RPS6KC1: variants seen among roughly 807,000 people sequenced by gnomAD.
RPS6KC1 encodes inactive ribosomal protein S6 kinase delta-1.
RPS6KC1 carries 54 observed loss-of-function variants against 103.8 expected under a neutral mutation model. That is an observed-to-expected ratio of 0.52 (90% CI 0.42 to 0.65). RPS6KC1 has a LOEUF of 0.65. Among genes scored for constraint, RPS6KC1 ranks in the 30% least tolerant of loss-of-function variants. The probability of loss-of-function intolerance (pLI) is 0.00; values close to 1 mark genes in which losing one functional copy is unlikely to be tolerated. For synonymous variants in RPS6KC1, 439 were observed against 438.7 expected, an observed-to-expected ratio of 1.00 and a Z score of -0.01; for missense variants, 1,151 against 1,253.8, an observed-to-expected ratio of 0.92 and a Z score of 1.24.
chr1:213,737,581 C>A, the RPS6KC1 span, among the ~76,000 whole-genome samples: 2 of 152,144 alleles, frequency 1.3e-5, no homozygotes, highest in Admixed American at 1.3e-4. Flanking sequence ...AGTGTTTAAA[C>A]TACCGTAGAC....
At chr1:213,055,965 C>T (rs573983724) in intron 1 of RPS6KC1, among the ~76,000 whole-genome samples, 45 of 152,150 alleles carry the variant, frequency 3.0e-4, no homozygotes, top group Admixed American at 1.1e-3. Context: ...AGTGCAGTGA[C>T]GCAATCATAG....
the RPS6KC1 span, among the ~76,000 whole-genome samples, chr1:213,612,253 C>T: frequency 6.6e-6 from 1 of 152,264 alleles, no homozygotes. Context: ...TTGAGAACCA[C>T]TTGTGCTACA....
At chr1:213,585,764 C>T in the RPS6KC1 span, among the ~76,000 whole-genome samples, 2 of 152,156 alleles carry the variant, frequency 1.3e-5, no homozygotes, top group East Asian at 1.9e-4. Context: ...GAGATGGCAG[C>T]ACAATCTCCT....
At chr1:213,176,964 A>G (rs940797181) in intron 8 of RPS6KC1, among the ~76,000 whole-genome samples, 1 of 152,198 alleles carries the variant, frequency 6.6e-6, no homozygotes, top group Non-Finnish European at 1.5e-5. Flanking sequence ...CTTGGTGGAA[A>G]AGTGATGTTT....
the RPS6KC1 span, among the ~76,000 whole-genome samples, chr1:213,705,104 G>C: frequency 6.6e-6 from 1 of 152,360 alleles, no homozygotes; most frequent in South Asian, 2.1e-4. Context: ...CCCAAGGCCT[G>C]CTGTAAACAT....
chr1:213,695,639 AG>A, the RPS6KC1 span, among the ~76,000 whole-genome samples: 1 of 152,238 alleles, frequency 6.6e-6, no homozygotes, highest in African/African-American at 2.4e-5. Flanking sequence ...ATTCTATTCC[AG>A]GACTTATAGG....
At chr1:213,847,815 G>A in the RPS6KC1 span, among the ~76,000 whole-genome samples, 4 of 152,066 alleles carry the variant, frequency 2.6e-5, no homozygotes, top group African/African-American at 7.2e-5. Context: ...CATCAAACAC[G>A]GCTACCTCAG....
chr1:213,235,750 G>A (rs905314958), intron 10 of RPS6KC1, among the ~76,000 whole-genome samples: 53 of 152,120 alleles, frequency 3.5e-4, no homozygotes, highest in African/African-American at 1.2e-3. Context: ...TGTAGGCCAC[G>A]TTAAGAACTG....
the RPS6KC1 span, among the ~76,000 whole-genome samples, chr1:213,346,815 C>G: frequency 6.6e-6 from 1 of 152,020 alleles, no homozygotes; most frequent in Non-Finnish European, 1.5e-5. Flanking sequence ...GGCCTTGTCC[C>G]GTAAGTTTAG....
intron 3 of RPS6KC1, among the ~76,000 whole-genome samples, chr1:213,080,073 C>T (rs1020997910): frequency 1.3e-5 from 2 of 151,954 alleles, no homozygotes; most frequent in East Asian, 3.9e-4. Flanking sequence ...CCTGCCACCA[C>T]GCCTAGCTAA....
At chr1:213,676,388 G>A in the RPS6KC1 span, among the ~76,000 whole-genome samples, 1 of 152,176 alleles carries the variant, frequency 6.6e-6, no homozygotes, top group African/African-American at 2.4e-5. Context: ...TATAGGAGAT[G>A]CTCAACAAAT....
At chr1:213,075,773 A>G (rs997903523) in intron 2 of RPS6KC1, among the ~76,000 whole-genome samples, 7 of 152,162 alleles carry the variant, frequency 4.6e-5, no homozygotes, top group African/African-American at 1.7e-4. Flanking sequence ...GCCTAAATTA[A>G]TTGTCTTCAT....
At chr1:213,307,401 A>G in the RPS6KC1 span, among the ~76,000 whole-genome samples, 1 of 152,080 alleles carries the variant, frequency 6.6e-6, no homozygotes, top group African/African-American at 2.4e-5. Context: ...GTCCCATAGA[A>G]CTAACCATAT....
the RPS6KC1 span, among the ~76,000 whole-genome samples, chr1:213,588,196 C>T: frequency 1.3e-5 from 2 of 152,162 alleles, no homozygotes; most frequent in East Asian, 1.9e-4. Flanking sequence ...CTACCTCAAC[C>T]TCCTAGAGTA....
chr1:213,153,356 GT>G (rs895064863), intron 6 of RPS6KC1, among the ~76,000 whole-genome samples: 2 of 151,996 alleles, frequency 1.3e-5, no homozygotes, highest in African/African-American at 4.8e-5. Context: ...GGCATTATAT[GT>G]TTTTTTGTTT....
the RPS6KC1 span, among the ~76,000 whole-genome samples, chr1:213,307,850 G>C: frequency 6.6e-6 from 1 of 152,172 alleles, no homozygotes; most frequent in Non-Finnish European, 1.5e-5. Flanking sequence ...GTCTTTCTTT[G>C]TTCTCATCAG....
At chr1:213,605,263 C>T in the RPS6KC1 span, among the ~76,000 whole-genome samples, 25 of 152,206 alleles carry the variant, frequency 1.6e-4, no homozygotes, top group East Asian at 3.9e-4. Flanking sequence ...ACAAAATGGA[C>T]GGAAATAGAG....
the RPS6KC1 span, among the ~76,000 whole-genome samples, chr1:213,795,181 C>T: frequency 6.6e-6 from 1 of 152,174 alleles, no homozygotes; most frequent in African/African-American, 2.4e-5. Context: ...GTATATCTAT[C>T]CATCCTGTAC....
chr1:213,237,428 C>A (rs1334951802), intron 10 of RPS6KC1, among the ~76,000 whole-genome samples: 2 of 152,010 alleles, frequency 1.3e-5, no homozygotes, highest in Non-Finnish European at 2.9e-5. Context: ...ACATGGTAAG[C>A]ACTATGTATT....
Sources: gnomAD v4.1 joint callset for allele counts (sites outside exome capture counted in the v4.1 genomes callset) on GRCh38, gnomAD v4.1.1 for gene constraint, MANE v1.5 for transcripts, NCBI Gene and HGNC (gene_info 2026-07-23, HGNC 2026-07-21) for gene names.